SMG6: variants seen among roughly 807,000 people sequenced by gnomAD.
The protein encoded by SMG6 is SMG6 nonsense mediated mRNA decay factor, also known as telomerase-binding protein EST1A.
A neutral mutation model predicts 142.2 loss-of-function variants in SMG6; 66 were observed. That is an observed-to-expected ratio of 0.46 (90% CI 0.38 to 0.57). The LOEUF (loss-of-function observed/expected upper bound fraction) is 0.57, where lower values mean the gene tolerates loss of function less well. Ranked by LOEUF, SMG6 falls within the 20% of genes least tolerant of loss-of-function variation. SMG6 has a pLI of 0.00. For missense variants in SMG6, 1,793 were observed against 1,832.0 expected, an observed-to-expected ratio of 0.98 and a Z score of 0.39; for synonymous variants, 779 against 702.4, an observed-to-expected ratio of 1.11 and a Z score of -1.72.
intron 4 of SMG6, among the ~76,000 whole-genome samples, chr17:2,294,793 A>G (rs1464050369): frequency 6.6e-6 from 1 of 152,186 alleles, no homozygotes; most frequent in Non-Finnish European, 1.5e-5. Context: ...AAACTCCAAG[A>G]AACAGGAGCA....
At chr17:2,273,411 A>G (rs6502154) in intron 8 of SMG6, among the ~76,000 whole-genome samples, 64,983 of 152,036 alleles carry the variant, frequency 0.43, 15,184 homozygotes, top group African/African-American at 0.62. Context: ...CTGTAATCCC[A>G]GCACTTTGGG....
chr17:2,302,997 C>G, intron 1 of SMG6: 1 of 985,484 alleles, frequency 1.0e-6, no homozygotes, highest in Non-Finnish European at 1.2e-6. Flanking sequence ...AGGTGAGACA[C>G]TTAGAATCTT....
intron 6 of SMG6, among the ~76,000 whole-genome samples, chr17:2,291,872 G>A (rs216207): frequency 0.53 from 65,109 of 122,640 alleles, 18,592 homozygotes; most frequent in East Asian, 0.69. Context: ...AAAAAAAAAA[G>A]AGAGAGACAA....
intron 8 of SMG6, among the ~76,000 whole-genome samples, chr17:2,269,801 C>T (rs1488218430): frequency 6.6e-6 from 1 of 152,156 alleles, no homozygotes; most frequent in Non-Finnish European, 1.5e-5. Flanking sequence ...CATCATCTTA[C>T]AGATAGAAAA....
At position 2,085,309 on chromosome 17, in the gene SMG6, T is replaced by C. The variant is rs1472391029; in HGVS notation, c.3534+416A>G. Reference sequence around the variant, plus strand: ...GGAGGGTAGGGCAGGGGAGGGGTGATTTTCCACACAGGGCCAGCAATGTCA... The same window carrying C: ...GGAGGGTAGGGCAGGGGAGGGGTGACTTTCCACACAGGGCCAGCAATGTCA... On this transcript the variant is annotated intron_variant, in intron 14 of 18. Transcript: ENST00000263073. This position sits in a 1 kb window ranked among gnomAD's most constrained non-coding sequence, Gnocchi z 4.1. 6.6e-6 allele frequency among the ~76,000 whole-genome samples: 1 copy of C among 151,674 alleles called. No individual in the cohort carries two copies. The highest frequency in any genetic ancestry group is 1.5e-5 in the Non-Finnish European group (1 of 67,888).
intron 13 of SMG6, among the ~76,000 whole-genome samples, chr17:2,115,785 A>G (rs769749737): frequency 3.9e-5 from 6 of 152,162 alleles, no homozygotes; most frequent in Non-Finnish European, 7.3e-5. Context: ...GTACAGTGGC[A>G]TGATCATAGT....
chr17:2,225,918 G>T (rs1216686777), intron 10 of SMG6, among the ~76,000 whole-genome samples: 1 of 152,164 alleles, frequency 6.6e-6, no homozygotes, highest in African/African-American at 2.4e-5. Flanking sequence ...AAAGCACCCG[G>T]AGAAAATTTC....
At chr17:2,073,694 G>C (rs1045457668) in intron 15 of SMG6, among the ~76,000 whole-genome samples, 9 of 119,970 alleles carry the variant, frequency 7.5e-5, no homozygotes, top group African/African-American at 2.6e-4. Context: ...GGGCAACAGA[G>C]CGAGACTCCG....
intron 10 of SMG6, among the ~76,000 whole-genome samples, chr17:2,211,481 G>A (rs891616875): frequency 3.3e-5 from 5 of 151,998 alleles, no homozygotes; most frequent in Admixed American, 6.6e-5. Flanking sequence ...TAGCTAACAC[G>A]GTGAAACCCC....
chr17:2,130,743 G>A (rs1479178128), intron 13 of SMG6, among the ~76,000 whole-genome samples: 1 of 148,610 alleles, frequency 6.7e-6, no homozygotes, highest in Non-Finnish European at 1.5e-5. Context: ...ACAATCAAGT[G>A]GTTTAAAAAA....
intron 10 of SMG6, among the ~76,000 whole-genome samples, chr17:2,203,592 T>A (rs150448665): frequency 1.3e-5 from 2 of 152,242 alleles, no homozygotes; most frequent in East Asian, 3.9e-4. Flanking sequence ...AGATATGAGG[T>A]GTCCTGTGTC....
chr17:2,082,852 A>G (rs1178193021), intron 14 of SMG6, among the ~76,000 whole-genome samples: 1 of 152,248 alleles, frequency 6.6e-6, no homozygotes, highest in Non-Finnish European at 1.5e-5. Flanking sequence ...TAACTGGATT[A>G]TAATAATGAC....
intron 12 of SMG6, among the ~76,000 whole-genome samples, chr17:2,178,473 C>G (rs998806406): frequency 6.6e-6 from 1 of 152,116 alleles, no homozygotes; most frequent in African/African-American, 2.4e-5. Context: ...GAGTACTCAC[C>G]CTAAATCAAT....
At chr17:2,159,804 T>C (rs774748914) in intron 13 of SMG6, among the ~76,000 whole-genome samples, 11 of 152,320 alleles carry the variant, frequency 7.2e-5, no homozygotes, top group Non-Finnish European at 5.9e-5. Context: ...TAAACTGTGA[T>C]ATATCCATAC....
intron 8 of SMG6, chr17:2,266,229 G>A (rs1420481228): frequency 7.2e-6 from 7 of 969,714 alleles, no homozygotes; most frequent in Non-Finnish European, 8.6e-6. Flanking sequence ...TAAAGGTCAC[G>A]TGGGGTGGAA....
At chr17:2,229,030 T>C (rs143499) in intron 10 of SMG6, among the ~76,000 whole-genome samples, 94,778 of 151,916 alleles carry the variant, frequency 0.62, 29,869 homozygotes, top group East Asian at 0.74. Flanking sequence ...AAGAGGGATA[T>C]TAGACATGAT....
intron 8 of SMG6, among the ~76,000 whole-genome samples, chr17:2,250,551 C>T (rs1183262039): frequency 6.6e-6 from 1 of 151,928 alleles, no homozygotes; most frequent in African/African-American, 2.4e-5. Context: ...TCATGCCTGG[C>T]TAGTTTTTTA....
chr17:2,112,534 A>C (rs1436807478), intron 13 of SMG6, among the ~76,000 whole-genome samples: 2 of 136,736 alleles, frequency 1.5e-5, no homozygotes, highest in African/African-American at 5.5e-5. Flanking sequence ...AAAATAAATA[A>C]ATAAATAAAT....
intron 13 of SMG6, among the ~76,000 whole-genome samples, chr17:2,102,742 A>G (rs996016094): frequency 1.3e-5 from 2 of 151,728 alleles, no homozygotes; most frequent in Non-Finnish European, 2.9e-5. Context: ...TCTCAGAAAA[A>G]CACACACCCA....
Sources: allele counts gnomAD v4.1 joint callset (sites outside exome capture counted in the v4.1 genomes callset), GRCh38; gene constraint gnomAD v4.1.1; non-coding constraint Gnocchi (gnomAD v3.1); transcripts MANE v1.5; gene names NCBI Gene and HGNC (gene_info 2026-07-23, HGNC 2026-07-21).